Variants in ELOVL4 observed in about 807,000 individuals in gnomAD.
The protein encoded by ELOVL4 is very long chain fatty acid elongase 4.
In ELOVL4, 18 loss-of-function variants were observed where a neutral mutation model predicts 42.1. The observed-to-expected ratio is 0.43, with a 90% CI of 0.30 to 0.63. The LOEUF is 0.63. ELOVL4 is among the 30% of genes least tolerant of loss of function. The pLI is 0.15. For synonymous variants in ELOVL4, 117 were observed against 127.0 expected (o/e 0.92, Z 0.53); for missense variants, 299 against 376.2 (o/e 0.79, Z 1.70).
chr6:79,931,697 A>G (rs1774447861), intron 1 of ELOVL4, among the ~76,000 whole-genome samples: 1 of 151,944 alleles, frequency 6.6e-6, no homozygotes, highest in Non-Finnish European at 1.5e-5. Flanking sequence ...AAGACTAAAG[A>G]CTAAAGCCTG....
chr6:79,927,139 C>T (rs1774357809), intron 1 of ELOVL4, among the ~76,000 whole-genome samples: 1 of 151,976 alleles, frequency 6.6e-6, no homozygotes, highest in Non-Finnish European at 1.5e-5. Context: ...AAATACACAA[C>T]CATAAATCAA....
intron 1 of ELOVL4, among the ~76,000 whole-genome samples, chr6:79,930,909 TAC>T (rs1774432231): frequency 6.6e-6 from 1 of 152,214 alleles, no homozygotes; most frequent in African/African-American, 2.4e-5. Flanking sequence ...ATCCTAATCC[TAC>T]ACAGTTATCA....
In ELOVL4 at chr6:79,916,834, T is replaced by C. The variant is rs768422524; in HGVS notation, c.719A>G (p.Asp240Gly). Residue 240 changes from aspartate (D) to glycine (G), a missense_variant, in exon 6 of 6, where the codon GAC (aspartate) becomes GGC (glycine). Asp to Gly is a moderately conservative substitution (Grantham distance 94). Coordinates refer to ENST00000369816, the MANE Select transcript of ELOVL4 (RefSeq NM_022726.4). ...IGHTALSLYT[D>G]CPFPKWMHWA... is the part of the protein sequence containing the mutation. ...GTGCATCCATTTGGGGAAGGGGCAG[T>C]CAGTGTAAAGAGACAGTGCCGTGTG... 2 of 1,614,152 alleles carry C rather than the reference T, an allele frequency of 1.2e-6. No homozygotes were observed. The highest frequency in any genetic ancestry group is 1.7e-6 in the Non-Finnish European group (2 of 1,180,012).
At chr6:79,940,180 T>C (rs950478596) in intron 1 of ELOVL4, among the ~76,000 whole-genome samples, 11 of 152,188 alleles carry the variant, frequency 7.2e-5, no homozygotes, top group African/African-American at 2.7e-4. Flanking sequence ...CAGTTCAAAA[T>C]CACAAATGCT....
intron 1 of ELOVL4, among the ~76,000 whole-genome samples, chr6:79,932,513 C>T (rs1774465093): frequency 6.6e-6 from 1 of 151,224 alleles, no homozygotes; most frequent in African/African-American, 2.4e-5. Context: ...CACTGCACTC[C>T]AGCCTGGGTG....
intron 1 of ELOVL4, among the ~76,000 whole-genome samples, chr6:79,934,305 C>T (rs1774506253): frequency 2.0e-5 from 3 of 151,910 alleles, no homozygotes; most frequent in African/African-American, 7.3e-5. Flanking sequence ...AAGAGAAAAC[C>T]ATGTCACAAA....
At chr6:79,945,797 C>CAA (rs5877686) in intron 1 of ELOVL4, among the ~76,000 whole-genome samples, 1,571 of 144,076 alleles carry the variant, frequency 0.011, 7 homozygotes, top group Non-Finnish European at 0.017. Context: ...CGCATAGAAA[C>CAA]AAAAAAAAAA....
At chr6:79,919,602 G>C in intron 4 of ELOVL4, 55 bp from the exon 5 acceptor site, 3 of 1,503,716 alleles carry the variant, frequency 2.0e-6, no homozygotes, top group Non-Finnish European at 2.8e-6. Context: ...TAGGCAGTAA[G>C]CCACTGAGAT....
At chr6:79,935,359 C>T (rs1774525367) in intron 1 of ELOVL4, among the ~76,000 whole-genome samples, 1 of 151,742 alleles carries the variant, frequency 6.6e-6, no homozygotes, top group South Asian at 2.1e-4. Flanking sequence ...TATAATCTCC[C>T]AAAAGAAAAA....
intron 1 of ELOVL4, among the ~76,000 whole-genome samples, chr6:79,940,112 T>C (rs1418008775): frequency 1.3e-5 from 2 of 152,186 alleles, no homozygotes; most frequent in Non-Finnish European, 2.9e-5. Flanking sequence ...TGTGCTCAAG[T>C]TTTTGTTTGA....
chr6:79,926,158 C>A (rs746096685), intron 2 of ELOVL4, 36 bp downstream of exon 2: 1 of 1,562,750 alleles, frequency 6.4e-7, no homozygotes, highest in East Asian at 2.2e-5. Context: ...TTTCCAATAA[C>A]CTTGGAAAAT....
chr6:79,941,098 G>C (rs774142390), intron 1 of ELOVL4, among the ~76,000 whole-genome samples: 1 of 152,074 alleles, frequency 6.6e-6, no homozygotes, highest in African/African-American at 2.4e-5. Flanking sequence ...AAAGAATGAG[G>C]TTTCTGAATC....
In ELOVL4 at chr6:79,921,767, T is replaced by C. The variant is rs1275204469; in HGVS notation, c.399A>G (p.Val133=). The change falls in exon 4 of 6, where the codon GTA becomes GTG. Residue 133 remains valine (V), a synonymous_variant. Coordinates refer to ENST00000369816, the MANE Select transcript of ELOVL4 (RefSeq NM_022726.4). ...RIAAALWWYF[V]SKGVEYLDTV... Reference sequence around the variant, plus strand: ...TGTCCAAATACTCAACTCCTTTAGATACAAAGTACCACCACAGAGCAGCAG... The same window carrying C: ...TGTCCAAATACTCAACTCCTTTAGACACAAAGTACCACCACAGAGCAGCAG... 3 of 1,614,096 alleles carry C rather than the reference T, an allele frequency of 1.9e-6. No homozygotes were observed.
chr6:79,922,420 C>A (rs1390181872), intron 3 of ELOVL4, among the ~76,000 whole-genome samples: 4 of 152,160 alleles, frequency 2.6e-5, no homozygotes, highest in Non-Finnish European at 4.4e-5. Flanking sequence ...ATCCTGCTTA[C>A]ATGAATAAGT....
Position 79,926,346 on chromosome 6 carries a change from G to C in ELOVL4, c.136C>G (p.Pro46Ala), listed in dbSNP as rs532735834. 6.2e-7 allele frequency: 1 copy of C among 1,613,958 alleles called. No homozygotes were observed. The highest frequency in any genetic ancestry group is 8.5e-7 in the Non-Finnish European group (1 of 1,179,932). The change falls in exon 2 of 6, where the codon CCT becomes GCT. Residue 46 changes from proline to alanine, a missense_variant. By Grantham distance (27) the Pro-to-Ala change is conservative. Coordinates refer to ENST00000369816, the MANE Select transcript of ELOVL4 (RefSeq NM_022726.4). ...RVENWPLMQS[P>A]WPTLSISTLY... ...GTGCTTATACTTAGTGTAGGCCAAG[G>C]AGACTGCATCAGAGGCCAATTTTCC...
At chr6:79,933,723 G>A (rs1482166496) in intron 1 of ELOVL4, among the ~76,000 whole-genome samples, 5 of 152,176 alleles carry the variant, frequency 3.3e-5, no homozygotes, top group Non-Finnish European at 7.3e-5. Context: ...AATCTCTGCG[G>A]GTGGGACTGG....
At chr6:79,926,662 G>C (rs868605994) in intron 1 of ELOVL4, among the ~76,000 whole-genome samples, 46 of 152,194 alleles carry the variant, frequency 3.0e-4, no homozygotes, top group African/African-American at 1.1e-3. Flanking sequence ...ACTAAAAACA[G>C]AGGTGGTTAT....
chr6:79,916,681 A>C lies in ELOVL4; in HGVS notation c.872T>G (p.Val291Gly), dbSNP rs1311967176. The C allele has an allele frequency of 1.2e-6, 2 of 1,613,986 alleles. No individual in the cohort carries two copies. The highest frequency in any genetic ancestry group is 1.7e-6 in the Non-Finnish European group (2 of 1,180,040). ...CATGAGTTGTTTTTCTGATTTGCTC[A>C]CACCATTTGCTGAAATACCATTCAT... is the stretch of plus-strand genomic sequence containing the variant. The part of the protein sequence containing the change: ...TAMNGISANG[V>G]SKSEKQLMIE... Residue 291 changes from valine to glycine, a missense_variant, in exon 6 of 6, where the codon GTG (valine) becomes GGG (glycine). Physicochemically the swap from Val to Gly is moderately radical, Grantham distance 109. Coordinates refer to ENST00000369816, the MANE Select transcript of ELOVL4 (RefSeq NM_022726.4).
Position 79,926,352 on chromosome 6 carries a change from G to A in ELOVL4, c.130C>T (p.Gln44Ter). Residue 44 changes from glutamine (Q) to a stop codon, truncating the protein, a stop_gained, in exon 2 of 6, where the codon CAG becomes TAG. Transcript: ENST00000369816. LOFTEE classifies it high-confidence loss of function. The stretch of plus-strand genomic sequence containing the variant: ...ATACTTAGTGTAGGCCAAGGAGACT[G>A]CATCAGAGGCCAATTTTCCACACGC... ...DKRVENWPLMQSPWPTLSIST... is the reference protein window; with the variant it reads ...DKRVENWPLM The A allele has an allele frequency of 6.2e-7, 1 of 1,613,926 alleles. No homozygotes were observed. Among genetic ancestry groups the A allele is most frequent in the Middle Eastern group, 1.7e-4 (1 of 6,060 alleles).
Sources: gnomAD v4.1 joint callset for allele counts (sites outside exome capture counted in the v4.1 genomes callset) on GRCh38, gnomAD v4.1.1 for gene constraint, MANE v1.5 for transcripts, NCBI Gene and HGNC (gene_info 2026-07-23, HGNC 2026-07-21) for gene names.